SUFU: variants seen among roughly 807,000 people sequenced by gnomAD.
SUFU encodes suppressor of fused homolog.
A neutral mutation model predicts 58.9 loss-of-function variants in SUFU; 7 were observed. The observed-to-expected ratio is 0.12, with a 90% CI of 0.07 to 0.22. SUFU has a LOEUF of 0.22. SUFU is among the 10% of genes least tolerant of loss of function. The pLI is 1.00. For missense variants in SUFU, 451 were observed against 641.3 expected, an observed-to-expected ratio of 0.70 and a Z score of 3.20; for synonymous variants, 232 against 254.8, an observed-to-expected ratio of 0.91 and a Z score of 0.85.
At position 102,630,933 on chromosome 10, in the gene SUFU, C is replaced by G. The variant is rs1338236389; in HGVS notation, c.*778C>G. ...GGCAGGGGGAGAGTAGAGACACTCC[C>G]TTGTGCAGCTTTGAGCCTAGTTTAG... is the stretch of plus-strand genomic sequence containing the variant. On this transcript the variant is annotated 3_prime_UTR_variant, in exon 12 of 12. Transcript: ENST00000369902. 4.3e-6 allele frequency: 1 copy of G among 234,132 alleles called. No homozygotes were observed. The highest frequency in any genetic ancestry group is 2.2e-5 in the African/African-American group (1 of 45,344). The allele number at this position is 234,132 out of a possible 1,614,324, so 14.5% of individuals were successfully genotyped here. A position where few individuals can be genotyped will look rare whatever the true frequency, so the allele number is the denominator to read the frequency against.
At chr10:102,552,199 G>T (rs925971492) in intron 3 of SUFU, among the ~76,000 whole-genome samples, 8 of 152,122 alleles carry the variant, frequency 5.3e-5, no homozygotes, top group Non-Finnish European at 1.0e-4. Context: ...AATCCCAGCA[G>T]TTTGAGAGGC....
At chr10:102,552,130 C>T (rs2062925536) in intron 3 of SUFU, among the ~76,000 whole-genome samples, 1 of 152,026 alleles carries the variant, frequency 6.6e-6, no homozygotes, top group African/African-American at 2.4e-5. Flanking sequence ...CAGACAAATA[C>T]AGATTGTGAG....
chr10:102,535,209 G>GGGCGC (rs1215667165), intron 2 of SUFU, among the ~76,000 whole-genome samples: 1 of 152,092 alleles, frequency 6.6e-6, no homozygotes, highest in Non-Finnish European at 1.5e-5. Flanking sequence ...CAACAGGGCC[G>GGGCGC]GGCGCGGTGG....
intron 3 of SUFU, among the ~76,000 whole-genome samples, chr10:102,567,754 G>A (rs1036177478): frequency 5.9e-5 from 9 of 152,148 alleles, no homozygotes; most frequent in African/African-American, 1.7e-4. Flanking sequence ...ACAGCAGTGG[G>A]GGTCCTTCTC....
intron 2 of SUFU, among the ~76,000 whole-genome samples, chr10:102,545,331 G>A (rs1246316805): frequency 5.6e-5 from 8 of 142,648 alleles, no homozygotes; most frequent in Non-Finnish European, 4.6e-5. Context: ...ACGGGGTTTG[G>A]CCATGTTGCC....
chr10:102,504,006 G>A lies in SUFU; in HGVS notation c.-147G>A. 1 of 1,159,782 alleles carries A rather than the reference G, an allele frequency of 8.6e-7. No individual in the cohort carries two copies. The highest frequency in any genetic ancestry group is 1.1e-6 in the Non-Finnish European group (1 of 875,732). The allele number at this position is 1,159,782 out of a possible 1,614,324, so 71.8% of individuals were successfully genotyped here. A position where few individuals can be genotyped will look rare whatever the true frequency, so the allele number is the denominator to read the frequency against. On this transcript the variant is annotated 5_prime_UTR_variant, in exon 1 of 12. Coordinates refer to ENST00000369902, the MANE Select transcript of SUFU (RefSeq NM_016169.4). ...GGCGGCGACAGCCTGGGCGGACAGT[G>A]CGCCGTGCGCAGGCGCGGAGCTAGA...
intron 11 of SUFU, among the ~76,000 whole-genome samples, chr10:102,627,584 C>G (rs1236739521): frequency 6.6e-6 from 1 of 152,246 alleles, no homozygotes; most frequent in Non-Finnish European, 1.5e-5. Context: ...CTCCCCAGCC[C>G]CTGCTGTTCC....
intron 3 of SUFU, among the ~76,000 whole-genome samples, chr10:102,568,015 C>T (rs781177647): frequency 2.6e-4 from 40 of 152,216 alleles, no homozygotes; most frequent in Admixed American, 6.5e-4. Context: ...TCCTTTGCTT[C>T]TCTTTACTGG....
At chr10:102,555,081 A>C (rs538535649) in intron 3 of SUFU, among the ~76,000 whole-genome samples, 189 of 152,214 alleles carry the variant, frequency 1.2e-3, no homozygotes, top group South Asian at 2.9e-3. Context: ...ATCCTGGCTA[A>C]CACAGTGAAA....
chr10:102,573,608 G>A (rs547196191), intron 3 of SUFU, among the ~76,000 whole-genome samples: 1 of 152,326 alleles, frequency 6.6e-6, no homozygotes, highest in Non-Finnish European at 1.5e-5. Flanking sequence ...ACAAAGTATG[G>A]TATATACATA....
intron 3 of SUFU, among the ~76,000 whole-genome samples, chr10:102,563,399 G>A (rs992192346): frequency 3.3e-5 from 5 of 152,172 alleles, no homozygotes; most frequent in Non-Finnish European, 4.4e-5. Context: ...GGAGAGGCGA[G>A]GGCTCAGGAA....
intron 3 of SUFU, among the ~76,000 whole-genome samples, chr10:102,582,367 T>G (rs2063290290): frequency 6.6e-6 from 1 of 152,216 alleles, no homozygotes; most frequent in Non-Finnish European, 1.5e-5. Flanking sequence ...TGCTTCTATG[T>G]TTCAAAGGCA....
intron 2 of SUFU, among the ~76,000 whole-genome samples, chr10:102,542,165 C>T (rs2062809602): frequency 7.2e-6 from 1 of 139,206 alleles, no homozygotes; most frequent in Admixed American, 7.4e-5. Context: ...TGGAGTCTCA[C>T]TCTGTTGCCT....
chr10:102,623,666 G>T (rs553491581), intron 10 of SUFU, among the ~76,000 whole-genome samples: 1 of 152,356 alleles, frequency 6.6e-6, no homozygotes, highest in African/African-American at 2.4e-5. Context: ...TGAGCCAGGC[G>T]TGGTGGCTCT....
At chr10:102,529,218 C>T (rs2062648552) in intron 2 of SUFU, among the ~76,000 whole-genome samples, 1 of 152,058 alleles carries the variant, frequency 6.6e-6, no homozygotes, top group South Asian at 2.1e-4. Flanking sequence ...AAAATAATCT[C>T]TGCAGTTGTT....
chr10:102,505,621 C>T (rs2062315652), intron 1 of SUFU, among the ~76,000 whole-genome samples: 1 of 152,156 alleles, frequency 6.6e-6, no homozygotes. Flanking sequence ...CAGCTGCCCG[C>T]ATCAATGGGA....
At position 102,630,142 on chromosome 10, in the gene SUFU, G is replaced by A; in HGVS notation, c.1442G>A (p.Ser481Asn). ...ATCCTGCCTGACGTGGTGTTCGACA[G>A]TCCGCTACACTAGCCTGGGCTGGGC... ...VSILPDVVFD[S>N]PLH The change falls in exon 12 of 12, where the codon AGT becomes AAT. Residue 481 changes from serine (S) to asparagine (N), a missense_variant. By Grantham distance (46) the Ser-to-Asn change is conservative. Transcript: ENST00000369902. 1 of 1,614,192 alleles carries A rather than the reference G, an allele frequency of 6.2e-7. No homozygotes were observed. Among genetic ancestry groups the A allele is most frequent in the South Asian group, 1.1e-5 (1 of 91,092 alleles).
At chr10:102,521,739 A>C (rs2062554588) in intron 2 of SUFU, among the ~76,000 whole-genome samples, 1 of 152,216 alleles carries the variant, frequency 6.6e-6, no homozygotes, top group Admixed American at 6.5e-5. Context: ...AAACTCTCAT[A>C]GTTGAACCAG....
At chr10:102,544,494 A>G (rs973074405) in intron 2 of SUFU, among the ~76,000 whole-genome samples, 11 of 152,324 alleles carry the variant, frequency 7.2e-5, no homozygotes, top group African/African-American at 2.2e-4. Flanking sequence ...TGAGATCAGG[A>G]GTTTGAGACC....
Sources: allele counts gnomAD v4.1 joint callset (sites outside exome capture counted in the v4.1 genomes callset), GRCh38; gene constraint gnomAD v4.1.1; transcripts MANE v1.5; gene names NCBI Gene and HGNC (gene_info 2026-07-23, HGNC 2026-07-21).